Variants in TLN2 observed in about 807,000 individuals in gnomAD.
TLN2 encodes the protein talin-2.
A neutral mutation model predicts 294.7 loss-of-function variants in TLN2; 118 were observed. The ratio of observed to expected loss-of-function variants is 0.40; its 90% confidence interval spans 0.34 to 0.47. The LOEUF is 0.47. Among genes scored for constraint, TLN2 ranks in the 20% least tolerant of loss-of-function variants. The pLI is 0.84. For missense variants in TLN2, 3,083 were observed against 3,282.2 expected (o/e 0.94, Z 1.48); for synonymous variants, 1,431 against 1,304.5 (o/e 1.10, Z -2.09).
In TLN2 at chr15:62,769,012, G is replaced by T. The variant is rs367777228; in HGVS notation, c.5197-1952G>T. ...TTCAAATCCAGTGATTCTGAAGCCA[G>T]AGCTGAAGTCCTTCATGGCCCAGCC... On this transcript the variant is annotated intron_variant, in intron 41 of 58. Transcript: ENST00000636159. Among the ~76,000 whole-genome samples, 10 of 152,374 alleles carry T rather than the reference G, an allele frequency of 6.6e-5. No homozygotes were observed. In the East Asian group the frequency reaches 1.3e-3, roughly 21 times the overall value.
intron 1 of TLN2, among the ~76,000 whole-genome samples, chr15:62,451,620 C>A (rs575344653): frequency 2.6e-5 from 4 of 152,204 alleles, no homozygotes; most frequent in Admixed American, 6.5e-5. Flanking sequence ...TGTGCCATTG[C>A]GATCCAGCCT....
intron 1 of TLN2, among the ~76,000 whole-genome samples, chr15:62,469,590 G>T (rs569366255): frequency 1.3e-5 from 2 of 152,208 alleles, no homozygotes; most frequent in Non-Finnish European, 2.9e-5. Flanking sequence ...TGAATACTTT[G>T]TGTTGGTGGA....
At chr15:62,835,570 G>A in intron 55 of TLN2, 167 bp from the exon 56 acceptor site, 1 of 699,712 alleles carries the variant, frequency 1.4e-6, no homozygotes, top group South Asian at 1.7e-5. Flanking sequence ...TTCTTGGCAT[G>A]GCCTGAGTCC....
At chr15:62,741,737 T>A (rs2061328250) in intron 32 of TLN2, among the ~76,000 whole-genome samples, 1 of 3,978 alleles carries the variant, frequency 2.5e-4, no homozygotes, top group African/African-American at 5.0e-4. Flanking sequence ...CTTGGTTTTT[T>A]AAAATTTGCG....
chr15:62,492,017 A>T (rs997272422), intron 1 of TLN2, among the ~76,000 whole-genome samples: 5 of 152,180 alleles, frequency 3.3e-5, no homozygotes, highest in African/African-American at 1.2e-4. Flanking sequence ...GTATATACAT[A>T]TGTATTTTAA....
At chr15:62,809,846 G>A in intron 51 of TLN2, 79 bp from the exon 52 acceptor site, 2 of 1,372,552 alleles carry the variant, frequency 1.5e-6, no homozygotes, top group Non-Finnish European at 1.0e-6. Flanking sequence ...CAGGGTTAAG[G>A]TCTCTTGCCT....
Position 62,489,177 on chromosome 15 carries a change from A to T in TLN2, c.-238+98492A>T, listed in dbSNP as rs142136779. ...CTCCGTCTCAAAAGCAAACAAAGAA[A>T]ATATAAATATAGAATGCACAACTCC... On this transcript the variant is annotated intron_variant, in intron 1 of 58. Transcript: ENST00000636159. Among the ~76,000 whole-genome samples, 777 of 152,282 alleles carry T rather than the reference A, an allele frequency of 5.1e-3. 3 individuals are homozygous for T. Among genetic ancestry groups the T allele is most frequent in the Non-Finnish European group, 8.6e-3 (588 of 68,010 alleles).
At chr15:62,806,569 T>C (rs1188529890) in intron 51 of TLN2, among the ~76,000 whole-genome samples, 1 of 152,238 alleles carries the variant, frequency 6.6e-6, no homozygotes, top group Admixed American at 6.5e-5. Flanking sequence ...CAGTCTGTGC[T>C]AGACATCTTG....
chr15:62,504,968 T>A, intron 1 of TLN2, among the ~76,000 whole-genome samples: 1 of 152,040 alleles, frequency 6.6e-6, no homozygotes, highest in East Asian at 1.9e-4. Flanking sequence ...GTTGTTGTTG[T>A]TGTTTTGAGA....
intron 52 of TLN2, 150 bp from the exon 53 acceptor site, chr15:62,819,366 G>T (rs1211075953): frequency 3.1e-6 from 2 of 641,464 alleles, no homozygotes; most frequent in Non-Finnish European, 2.8e-6. Flanking sequence ...GAGTCGTAAG[G>T]GTTTTCCACA....
chr15:62,609,415 A>G (rs1198303815), intron 2 of TLN2, among the ~76,000 whole-genome samples: 2 of 152,184 alleles, frequency 1.3e-5, no homozygotes, highest in African/African-American at 4.8e-5. Context: ...GTCCTTTATA[A>G]TGAAAGGGTC....
intron 32 of TLN2, 34 bp from the exon 33 acceptor site, chr15:62,748,317 C>CAAAA: frequency 5.5e-6 from 7 of 1,263,572 alleles, no homozygotes; most frequent in Admixed American, 2.2e-5. Flanking sequence ...TGTTGATCTT[C>CAAAA]AAAAAAAAAA....
At chr15:62,832,108 C>CTTTTTTTTT (rs3055856) in intron 54 of TLN2, 1 of 136,186 alleles carries the variant, frequency 7.3e-6, no homozygotes, top group Non-Finnish European at 1.5e-5. Context: ...AATATACGAT[C>CTTTTTTTTT]TTTTTTTTTT....
At chr15:62,673,310 CTTTTTT>C (rs56258541) in intron 9 of TLN2, among the ~76,000 whole-genome samples, 2 of 42,856 alleles carry the variant, frequency 4.7e-5, no homozygotes, top group African/African-American at 7.5e-5. Context: ...TTAGATGTTG[CTTTTTT>C]TTTTTTTTTT....
At chr15:62,737,809 G>A (rs2061108556) in intron 29 of TLN2, among the ~76,000 whole-genome samples, 3 of 152,150 alleles carry the variant, frequency 2.0e-5, no homozygotes, top group Admixed American at 2.0e-4. Context: ...AAAACTCAAG[G>A]TCTCCTTCCA....
At chr15:62,765,093 G>A (rs535628095) in intron 40 of TLN2, among the ~76,000 whole-genome samples, 9 of 146,716 alleles carry the variant, frequency 6.1e-5, no homozygotes, top group African/African-American at 1.8e-4. Flanking sequence ...TCCCTCACTA[G>A]GAAGAGAACC....
chr15:62,698,506 T>G (rs999884385), intron 15 of TLN2, among the ~76,000 whole-genome samples: 2 of 152,200 alleles, frequency 1.3e-5, no homozygotes, highest in Admixed American at 1.3e-4. Flanking sequence ...GTCAGCTAAT[T>G]AAGCTCTTCA....
chr15:62,838,722 T>C (rs1215849346), intron 57 of TLN2, 134 bp from the exon 58 acceptor site: 1 of 1,205,134 alleles, frequency 8.3e-7, no homozygotes, highest in South Asian at 1.7e-5. Context: ...GGGTACTCTC[T>C]GGCTACAGAA....
Position 62,800,671 on chromosome 15 carries a change from A to T in TLN2, c.6379A>T (p.Thr2127Ser). The T allele has an allele frequency of 6.2e-7, 1 of 1,613,920 alleles. No homozygotes were observed. The highest frequency in any genetic ancestry group is 1.1e-5 in the South Asian group (1 of 91,038). Residue 2127 changes from threonine (T) to serine (S), a missense_variant, in exon 50 of 59, where the codon ACC becomes TCC. Thr to Ser is a moderately conservative substitution (Grantham distance 58). Transcript: ENST00000636159. ...TATGCAGGTGATGGTGACCAATGTCACCTCGCTCCTCAAGACTGTAAAGGC... is the reference window on the plus strand; with the variant it reads ...TATGCAGGTGATGGTGACCAATGTCTCCTCGCTCCTCAAGACTGTAAAGGC... ...GAAKVMVTNVTSLLKTVKAVE... is the reference protein window; with the variant it reads ...GAAKVMVTNVSSLLKTVKAVE...
Sources: allele counts gnomAD v4.1 joint callset (sites outside exome capture counted in the v4.1 genomes callset), GRCh38; gene constraint gnomAD v4.1.1; transcripts MANE v1.5; gene names NCBI Gene and HGNC (gene_info 2026-07-23, HGNC 2026-07-21).